The following CSMD3 variants were observed in gnomAD, a reference collection of about 807,000 sequenced individuals.
CSMD3 encodes CUB and sushi domain-containing protein 3.
CSMD3 carries 177 observed loss-of-function variants against 435.2 expected under a neutral mutation model. The observed-to-expected ratio is 0.41, with a 90% CI of 0.36 to 0.46. The LOEUF (loss-of-function observed/expected upper bound fraction) is 0.46, where lower values mean the gene tolerates loss of function less well. Among genes scored for constraint, CSMD3 ranks in the 20% least tolerant of loss-of-function variants. The pLI, the probability that CSMD3 is intolerant of heterozygous loss-of-function variation, is 0.34. For synonymous variants in CSMD3, 1,656 were observed against 1,520.5 expected (o/e 1.09, Z -2.07); for missense variants, 4,265 against 4,504.6 (o/e 0.95, Z 1.52).
At chr8:112,514,334 C>T (rs780870540) in intron 28 of CSMD3, among the ~76,000 whole-genome samples, 13 of 152,136 alleles carry the variant, frequency 8.5e-5, no homozygotes, top group Admixed American at 3.9e-4. Flanking sequence ...TAAATATACT[C>T]AACTTTAAAT....
At chr8:112,421,075 G>A (rs1235771996) in intron 32 of CSMD3, among the ~76,000 whole-genome samples, 4 of 151,976 alleles carry the variant, frequency 2.6e-5, no homozygotes, top group Non-Finnish European at 2.9e-5. Context: ...TACACCATAT[G>A]TCAACATTTT....
intron 47 of CSMD3, 90 bp from the exon 48 acceptor site, chr8:112,314,707 T>C (rs1008182842): frequency 2.0e-5 from 17 of 845,696 alleles, no homozygotes; most frequent in Non-Finnish European, 3.4e-5. Flanking sequence ...TGCTTTCATG[T>C]TCAATAGCTA....
intron 1 of CSMD3, among the ~76,000 whole-genome samples, chr8:113,357,441 A>T (rs900295739): frequency 3.9e-5 from 6 of 152,230 alleles, no homozygotes; most frequent in African/African-American, 1.4e-4. Flanking sequence ...TCAGTACTTG[A>T]AATGTGACTG....
chr8:112,963,725 CAAG>C (rs1216130194), intron 7 of CSMD3, among the ~76,000 whole-genome samples: 1 of 151,578 alleles, frequency 6.6e-6, no homozygotes, highest in Non-Finnish European at 1.5e-5. Flanking sequence ...GTAAAACTGG[CAAG>C]AAAAAATATG....
At chr8:113,277,883 A>T (rs2093583676) in intron 3 of CSMD3, among the ~76,000 whole-genome samples, 1 of 150,892 alleles carries the variant, frequency 6.6e-6, no homozygotes, top group African/African-American at 2.5e-5. Flanking sequence ...CACATTTTTT[A>T]AAAAGCAAAA....
At chr8:113,384,116 C>T (rs977386919) in intron 1 of CSMD3, among the ~76,000 whole-genome samples, 1 of 152,150 alleles carries the variant, frequency 6.6e-6, no homozygotes, top group African/African-American at 2.4e-5. Context: ...TGTCTTGATA[C>T]TTTAGCTCAT....
chr8:112,478,493 A>G (rs1347774969), intron 31 of CSMD3, among the ~76,000 whole-genome samples: 1 of 152,208 alleles, frequency 6.6e-6, no homozygotes, highest in Admixed American at 6.5e-5. Context: ...ATTATTCTCT[A>G]GCAAAGAATT....
At chr8:113,259,760 G>A (rs2093412071) in intron 3 of CSMD3, among the ~76,000 whole-genome samples, 2 of 152,084 alleles carry the variant, frequency 1.3e-5, no homozygotes, top group African/African-American at 2.4e-5. Flanking sequence ...ATATTTTAAA[G>A]TCTGAAAAGA....
At chr8:112,769,887 C>A (rs980217779) in intron 13 of CSMD3, among the ~76,000 whole-genome samples, 18 of 151,882 alleles carry the variant, frequency 1.2e-4, no homozygotes, top group Non-Finnish European at 2.5e-4. Context: ...GAATCTATGG[C>A]AGTGACAACC....
At chr8:112,333,151 T>C (rs1824223713) in intron 45 of CSMD3, among the ~76,000 whole-genome samples, 1 of 152,132 alleles carries the variant, frequency 6.6e-6, no homozygotes, top group African/African-American at 2.4e-5. Flanking sequence ...TCTGATCTGT[T>C]TTATTTTTAT....
chr8:112,386,873 T>C (rs758785024), intron 36 of CSMD3, among the ~76,000 whole-genome samples: 12 of 152,194 alleles, frequency 7.9e-5, no homozygotes, highest in Non-Finnish European at 8.8e-5. Flanking sequence ...TTGTCCATCA[T>C]GGTAATGGAA....
At chr8:112,562,857 A>T (rs1486814636) in intron 24 of CSMD3, among the ~76,000 whole-genome samples, 1 of 151,650 alleles carries the variant, frequency 6.6e-6, no homozygotes, top group African/African-American at 2.4e-5. Context: ...TTTTATTAAC[A>T]TATATGGCAA....
chr8:112,395,120 T>C (rs1164036567), intron 35 of CSMD3, among the ~76,000 whole-genome samples: 2 of 152,150 alleles, frequency 1.3e-5, no homozygotes. Context: ...CAATCTAACA[T>C]TTGCATCCTG....
At chr8:112,266,102 G>A (rs116261706) in intron 59 of CSMD3, among the ~76,000 whole-genome samples, 42 of 152,098 alleles carry the variant, frequency 2.8e-4, no homozygotes, top group African/African-American at 9.4e-4. Context: ...GATGTATGAG[G>A]GGCCATCCCA....
chr8:112,781,876 G>T (rs1430866582), intron 13 of CSMD3, among the ~76,000 whole-genome samples: 1 of 152,118 alleles, frequency 6.6e-6, no homozygotes, highest in Non-Finnish European at 1.5e-5. Flanking sequence ...ACTGGGCTTG[G>T]GGTGCCCCTT....
Position 112,503,887 on chromosome 8 carries a change from C to A in CSMD3, c.4986G>T (p.Lys1662Asn). Residue 1662 changes from lysine (K) to asparagine (N), a missense_variant, in exon 30 of 71, where the codon AAG (lysine) becomes AAT (asparagine). Lys to Asn is a moderately conservative substitution (Grantham distance 94). This residue lies in a region of CSMD3 where 3,255 missense variants were observed against 3,380.2 expected (regional missense o/e 0.96). Transcript: ENST00000297405. ...SPLIGSFQDSKLPERIESSSN... is the reference protein window; with the variant it reads ...SPLIGSFQDSNLPERIESSSN... ...AGCTGCTTTCTATTCTCTCTGGTAA[C>A]TTGCTGTCTTGAAAACTTCCAATCA... The A allele has an allele frequency of 6.2e-7, 1 of 1,612,620 alleles. No individual in the cohort carries two copies. Among genetic ancestry groups the A allele is most frequent in the Non-Finnish European group, 8.5e-7 (1 of 1,179,068 alleles).
chr8:112,234,384 T>G lies in CSMD3; in HGVS notation c.10721A>C (p.Asn3574Thr). ...HASVKKMKEE[N>T]WAMDGFVSAE... ...ACTTACAAAGCCATCCATTGCCCAA[T>G]TTTCTTCCTTCATTTTCTTCACAGA... Residue 3574 changes from asparagine (N) to threonine (T), a missense_variant, in exon 68 of 71, where the codon AAT becomes ACT. Physicochemically the swap from Asn to Thr is moderately conservative, Grantham distance 65. This residue lies in a region of CSMD3 where 3,255 missense variants were observed against 3,380.2 expected (regional missense o/e 0.96). Coordinates refer to ENST00000297405, the MANE Select transcript of CSMD3 (RefSeq NM_198123.2). 6.2e-7 allele frequency: 1 copy of G among 1,608,388 alleles called. No individual in the cohort carries two copies. The highest frequency in any genetic ancestry group is 8.5e-7 in the Non-Finnish European group (1 of 1,175,182).
At chr8:113,349,555 G>C (rs1326919712) in intron 1 of CSMD3, among the ~76,000 whole-genome samples, 2 of 152,088 alleles carry the variant, frequency 1.3e-5, no homozygotes, top group Non-Finnish European at 2.9e-5. Flanking sequence ...ATTGAGGCAG[G>C]AGGATCGCTT....
intron 13 of CSMD3, among the ~76,000 whole-genome samples, chr8:112,742,124 G>A (rs978867054): frequency 8.6e-5 from 13 of 151,284 alleles, no homozygotes; most frequent in Admixed American, 5.3e-4. Flanking sequence ...CACCCCCTCC[G>A]CACTCATCTC....
Sources: allele counts gnomAD v4.1 joint callset (sites outside exome capture counted in the v4.1 genomes callset), GRCh38; gene constraint gnomAD v4.1.1; regional missense constraint gnomAD v4.1.1; transcripts MANE v1.5; gene names NCBI Gene and HGNC (gene_info 2026-07-23, HGNC 2026-07-21).